RTTN: variants seen among roughly 807,000 people sequenced by gnomAD.
The protein encoded by RTTN is rotatin.
A neutral mutation model predicts 269.2 loss-of-function variants in RTTN; 182 were observed. The observed-to-expected ratio is 0.68, with a 90% CI of 0.60 to 0.76. RTTN has a LOEUF of 0.76. RTTN is among the 30% of genes least tolerant of loss of function. RTTN has a pLI of 0.00. For synonymous variants in RTTN, 1,006 were observed against 963.5 expected, an observed-to-expected ratio of 1.04 and a Z score of -0.82; for missense variants, 2,545 against 2,608.6, an observed-to-expected ratio of 0.98 and a Z score of 0.53.
At chr18:70,127,801 C>T (rs2059904857) in intron 24 of RTTN, 60 bp from the exon 25 acceptor site, 1 of 1,440,724 alleles carries the variant, frequency 6.9e-7, no homozygotes, top group African/African-American at 1.4e-5. Flanking sequence ...AAAGCTCACA[C>T]TTATTTCTAT....
In RTTN at chr18:70,168,252, T is replaced by A. The variant is rs573640777; in HGVS notation, c.1689+603A>T. On this transcript the variant is annotated intron_variant, in intron 12 of 48. Transcript: ENST00000640769. ...TTATTTTCAAACAATAAACAACTCT[T>A]GTATCAATGTCTGTCTCTAAGACCC... 6.6e-5 allele frequency among the ~76,000 whole-genome samples: 10 copies of A among 152,328 alleles called. No individual in the cohort carries two copies. In the South Asian group the frequency reaches 1.2e-3, roughly 19 times the overall value.
chr18:70,044,350 C>A (rs2057430778), intron 40 of RTTN, among the ~76,000 whole-genome samples: 1 of 152,164 alleles, frequency 6.6e-6, no homozygotes, highest in African/African-American at 2.4e-5. Context: ...AATTCATTAT[C>A]TCAACTGATT....
At chr18:70,107,720 G>C (rs951404517) in intron 28 of RTTN, among the ~76,000 whole-genome samples, 2 of 152,152 alleles carry the variant, frequency 1.3e-5, no homozygotes, top group Non-Finnish European at 2.9e-5. Context: ...AAAAGTTAAA[G>C]AGAGGCTCAA....
chr18:70,135,696 C>T (rs1449997412), intron 21 of RTTN, among the ~76,000 whole-genome samples: 1 of 152,180 alleles, frequency 6.6e-6, no homozygotes, highest in Non-Finnish European at 1.5e-5. Flanking sequence ...TATTTTATAA[C>T]TTTTGCCCTT....
intron 43 of RTTN, among the ~76,000 whole-genome samples, chr18:70,028,024 A>T (rs528779089): frequency 9.2e-5 from 14 of 152,312 alleles, no homozygotes; most frequent in African/African-American, 1.7e-4. Flanking sequence ...AGTATTTTTT[A>T]AAATTTTTAT....
Position 70,196,605 on chromosome 18 carries a change from T to C in RTTN, c.737A>G (p.His246Arg). ...LLKLAFGDGK[H>R]RLALQSVSCL... ...GGACACCGACTGTAATGCCAGGCGATGCTTTCCATCTCCAAAGGCCAGTTT... is the reference window on the plus strand; with the variant it reads ...GGACACCGACTGTAATGCCAGGCGACGCTTTCCATCTCCAAAGGCCAGTTT... Residue 246 changes from histidine (H) to arginine (R), a missense_variant, in exon 7 of 49, where the codon CAT (histidine) becomes CGT (arginine). Coordinates refer to ENST00000640769, the MANE Select transcript of RTTN (RefSeq NM_173630.4). The C allele has an allele frequency of 2.0e-6, 3 of 1,470,594 alleles. No homozygotes were observed. Among genetic ancestry groups the C allele is most frequent in the South Asian group, 2.3e-5 (2 of 86,176 alleles). The allele number at this position is 1,470,594 out of a possible 1,614,324, so 91.1% of individuals were successfully genotyped here. A position where few individuals can be genotyped will look rare whatever the true frequency, so the allele number is the denominator to read the frequency against.
chr18:70,130,295 G>A (rs1218982827), intron 23 of RTTN: 2 of 151,884 alleles, frequency 1.3e-5, no homozygotes, highest in African/African-American at 2.4e-5. Flanking sequence ...CCAAAAGAAA[G>A]GAAATTGGTA....
At chr18:70,124,333 T>C (rs995949550) in intron 25 of RTTN, among the ~76,000 whole-genome samples, 5 of 152,046 alleles carry the variant, frequency 3.3e-5, no homozygotes, top group Non-Finnish European at 5.9e-5. Context: ...CTATGACTTA[T>C]GCGATATGTG....
At chr18:70,138,510 T>C (rs2060179385) in intron 21 of RTTN, 1 of 152,048 alleles carries the variant, frequency 6.6e-6, no homozygotes, top group African/African-American at 2.4e-5. Flanking sequence ...AAATTATAAA[T>C]GAAAAGGTAA....
intron 17 of RTTN, among the ~76,000 whole-genome samples, chr18:70,146,073 G>A (rs1412657133): frequency 6.6e-6 from 1 of 152,118 alleles, no homozygotes; most frequent in Admixed American, 6.6e-5. Context: ...AAGTACATCT[G>A]CGAATTAAAT....
Position 70,128,370 on chromosome 18 carries a change from G to C in RTTN, c.3131C>G (p.Thr1044Ser). ...DNLLKQMNSETKTQEILDALK... is the reference protein window; with the variant it reads ...DNLLKQMNSESKTQEILDALK... ...TATAAGAGCTTACTCTTGCGTTTTA[G>C]TTTCAGAGTTCATTTGCTTCAACAG... The change falls in exon 24 of 49, where the codon ACT (threonine) becomes AGT (serine). Residue 1044 changes from threonine (T) to serine (S), a missense_variant. Coordinates refer to ENST00000640769, the MANE Select transcript of RTTN (RefSeq NM_173630.4). The C allele has an allele frequency of 1.2e-6, 2 of 1,611,592 alleles. No individual in the cohort carries two copies. Among genetic ancestry groups the C allele is most frequent in the Non-Finnish European group, 1.7e-6 (2 of 1,178,476 alleles).
intron 40 of RTTN, among the ~76,000 whole-genome samples, chr18:70,031,984 A>G (rs73970824): frequency 0.027 from 4,066 of 152,208 alleles, 180 homozygotes; most frequent in African/African-American, 0.092. Flanking sequence ...GTAGGAAGGA[A>G]CCCCTGGACC....
At chr18:70,117,388 A>C (rs181200378) in intron 26 of RTTN, among the ~76,000 whole-genome samples, 18 of 152,208 alleles carry the variant, frequency 1.2e-4, no homozygotes, top group Non-Finnish European at 1.5e-5. Context: ...TGGTAGTTAT[A>C]TAACATATAT....
At chr18:70,202,696 T>G (rs1223574667) in intron 3 of RTTN, among the ~76,000 whole-genome samples, 1 of 152,256 alleles carries the variant, frequency 6.6e-6, no homozygotes, top group African/African-American at 2.4e-5. Context: ...GTTAGAATCC[T>G]GCATCTGCTA....
intron 28 of RTTN, among the ~76,000 whole-genome samples, chr18:70,103,761 T>TC (rs2059242770): frequency 1.5e-4 from 1 of 6,854 alleles, no homozygotes; most frequent in South Asian, 5.1e-3. Context: ...AATAAATACT[T>TC]CAAAAAAAAA....
At position 70,111,554 on chromosome 18, in the gene RTTN, G is replaced by A. The variant is rs184858663; in HGVS notation, c.3684-1837C>T. On this transcript the variant is annotated intron_variant, in intron 27 of 48. Coordinates refer to ENST00000640769, the MANE Select transcript of RTTN (RefSeq NM_173630.4). ...CGAAGGTCACCAAGAAAGGATATCAGTGATAGAAGATCAAATTAATGAAAT... is the reference window on the plus strand; with the variant it reads ...CGAAGGTCACCAAGAAAGGATATCAATGATAGAAGATCAAATTAATGAAAT... Among the ~76,000 whole-genome samples, 5 of 152,282 alleles carry A rather than the reference G, an allele frequency of 3.3e-5. No homozygotes were observed. The East Asian group carries it at 9.7e-4, about 29-fold the overall frequency.
intron 23 of RTTN, chr18:70,131,312 T>C (rs1267154862): frequency 2.0e-5 from 3 of 151,572 alleles, no homozygotes; most frequent in South Asian, 2.1e-4. Flanking sequence ...GACTATTTAC[T>C]GCATAAAATA....
chr18:70,110,446 T>C (rs1448088668), intron 27 of RTTN, among the ~76,000 whole-genome samples: 1 of 152,004 alleles, frequency 6.6e-6, no homozygotes, highest in African/African-American at 2.4e-5. Flanking sequence ...TCGCCTCACC[T>C]GGGAAGCGCA....
At chr18:70,063,156 GT>G (rs1242965298) in intron 35 of RTTN, among the ~76,000 whole-genome samples, 2 of 151,164 alleles carry the variant, frequency 1.3e-5, no homozygotes, top group Admixed American at 6.6e-5. Flanking sequence ...TAAATACATA[GT>G]TTTGTTATCT....
Sources: gnomAD v4.1 joint callset for allele counts (sites outside exome capture counted in the v4.1 genomes callset) on GRCh38, gnomAD v4.1.1 for gene constraint, MANE v1.5 for transcripts, NCBI Gene and HGNC (gene_info 2026-07-23, HGNC 2026-07-21) for gene names.